The following SHE variants were observed in gnomAD, a reference collection of about 807,000 sequenced individuals.
SHE encodes SH2 domain-containing adapter protein E.
A neutral mutation model predicts 49.8 loss-of-function variants in SHE; 11 were observed. The observed-to-expected ratio is 0.22, with a 90% CI of 0.14 to 0.37. The LOEUF (loss-of-function observed/expected upper bound fraction) is 0.37, where lower values mean the gene tolerates loss of function less well. Ranked by LOEUF, SHE falls within the 10% of genes least tolerant of loss-of-function variation. SHE has a pLI of 1.00. For synonymous variants in SHE, 310 were observed against 278.1 expected (o/e 1.11, Z -1.14); for missense variants, 624 against 655.5 (o/e 0.95, Z 0.52).
intron 2 of SHE, among the ~76,000 whole-genome samples, chr1:154,497,872 G>A (rs1692582785): frequency 1.3e-5 from 2 of 151,702 alleles, no homozygotes; most frequent in Non-Finnish European, 2.9e-5. Flanking sequence ...AGTAGAGACA[G>A]GGGTTTCTCC....
At chr1:154,478,165 G>A (rs1032179223), downstream of SHE, among the ~76,000 whole-genome samples, 3 of 152,164 alleles carry the variant, frequency 2.0e-5, no homozygotes, top group Admixed American at 1.3e-4. Flanking sequence ...GGAGTAGCAA[G>A]ATAATGAAGC....
chr1:154,493,116 T>TAA (rs543196985), intron 2 of SHE, among the ~76,000 whole-genome samples: 1 of 152,234 alleles, frequency 6.6e-6, no homozygotes, highest in Non-Finnish European at 1.5e-5. Context: ...TCCCCACACT[T>TAA]AGAGTTCTGG....
At chr1:154,485,856 C>T (rs1692160980) in intron 5 of SHE, 87 bp downstream of exon 5, 2 of 1,508,714 alleles carry the variant, frequency 1.3e-6, no homozygotes. Context: ...CTGTGAAACA[C>T]CTTCACAGTA....
downstream of SHE, among the ~76,000 whole-genome samples, chr1:154,478,393 CTA>C (rs767179398): frequency 1.6e-4 from 21 of 130,950 alleles, 1 homozygote; most frequent in East Asian, 4.9e-4. Context: ...ACAACTCAGT[CTA>C]TGTTTTGTTT....
In SHE at chr1:154,483,984, C is replaced by A. The variant is rs569603116; in HGVS notation, c.*165G>T. ...TTGCACTCCAGCCTGGGCAACACAG[C>A]GAGACTTCGTCTCAAACAAAACAAA... On this transcript the variant is annotated 3_prime_UTR_variant, in exon 6 of 6. Coordinates refer to ENST00000304760, the MANE Select transcript of SHE (RefSeq NM_001010846.3). The A allele has an allele frequency of 8.5e-6, 12 of 1,414,982 alleles. No individual in the cohort carries two copies. Among genetic ancestry groups the A allele is most frequent in the Non-Finnish European group, 1.1e-5 (12 of 1,085,060 alleles). The allele number at this position is 1,414,982 out of a possible 1,614,324, so 87.7% of individuals were successfully genotyped here.
chr1:154,470,374 G>A (rs1245450936), intron 1 of SHE: 1 of 1,289,204 alleles, frequency 7.8e-7, no homozygotes, highest in Non-Finnish European at 1.0e-6. Context: ...TGTAGAGGAT[G>A]GCAAGGAATA....
chr1:154,501,140 G>A (rs1453317583), intron 1 of SHE, among the ~76,000 whole-genome samples: 1 of 152,140 alleles, frequency 6.6e-6, no homozygotes, highest in African/African-American at 2.4e-5. Flanking sequence ...CATCTATAAA[G>A]GGGTCAAATG....
chr1:154,489,164 T>C lies in SHE; in HGVS notation c.911A>G (p.Glu304Gly), dbSNP rs752860442. 1.5e-5 allele frequency: 25 copies of C among 1,614,150 alleles called. No individual in the cohort carries two copies. The highest frequency in any genetic ancestry group is 2.1e-5 in the Non-Finnish European group (25 of 1,180,018). ...YEPAEGGPRA[E>G]GKARPPDSRL... ...GCTGTCTGGGGGCCGCGCCTTCCCCTCTGCCCTGGGCCCCCCTTCTGCAGG... is the reference window on the plus strand; with the variant it reads ...GCTGTCTGGGGGCCGCGCCTTCCCCCCTGCCCTGGGCCCCCCTTCTGCAGG... The change falls in exon 3 of 6, where the codon GAG becomes GGG. Residue 304 changes from glutamate to glycine, a missense_variant. Coordinates refer to ENST00000304760, the MANE Select transcript of SHE (RefSeq NM_001010846.3).
intron 2 of SHE, among the ~76,000 whole-genome samples, chr1:154,493,403 G>C (rs1174213259): frequency 6.6e-6 from 1 of 152,178 alleles, no homozygotes; most frequent in Non-Finnish European, 1.5e-5. Context: ...AGCCCCTGAC[G>C]TGCAGAGCTG....
chr1:154,485,273 G>C (rs973498503), intron 5 of SHE: 1 of 152,226 alleles, frequency 6.6e-6, no homozygotes, highest in Non-Finnish European at 1.5e-5. Flanking sequence ...CAACTCCCCC[G>C]CCCGACTCTG....
intron 1 of SHE, among the ~76,000 whole-genome samples, chr1:154,472,312 CAG>C (rs1691765913): frequency 6.6e-6 from 1 of 152,244 alleles, no homozygotes; most frequent in African/African-American, 2.4e-5. Context: ...ACCACTCACG[CAG>C]GCAGCGTGTT....
chr1:154,483,243 A>C lies in SHE; in HGVS notation c.*906T>G, dbSNP rs1692069596. Reference sequence around the variant, plus strand: ...GAGAAAATCCACAGAGATTGAGAGAACACACACTTTCTTGGAAAGGCTGAC... The same window carrying C: ...GAGAAAATCCACAGAGATTGAGAGACCACACACTTTCTTGGAAAGGCTGAC... On this transcript the variant is annotated 3_prime_UTR_variant, in exon 6 of 6. Transcript: ENST00000304760. 1 of 985,332 alleles carries C rather than the reference A, an allele frequency of 1.0e-6. No individual in the cohort carries two copies. Among genetic ancestry groups the C allele is most frequent in the Non-Finnish European group, 1.2e-6 (1 of 829,948 alleles). 61.0% of individuals were successfully genotyped at this position (985,332 alleles called of 1,614,324 possible). A position where few individuals can be genotyped will look rare whatever the true frequency, so the allele number is the denominator to read the frequency against.
At position 154,497,687 on chromosome 1, in the gene SHE, CT is replaced by C. The variant is rs888010144; in HGVS notation, c.718+1424del. 2.6e-3 allele frequency among the ~76,000 whole-genome samples: 379 copies of C among 148,108 alleles called. 3 individuals carry two copies. The highest frequency in any genetic ancestry group is 8.2e-3 in the African/African-American group (333 of 40,552). On this transcript the variant is annotated intron_variant, in intron 2 of 5. Coordinates refer to ENST00000304760, the MANE Select transcript of SHE (RefSeq NM_001010846.3). ...CACAGCAATGATTTTTTTTTCTTTT[CT>C]TTTTTTTTTGAGACAGAGTTTCCCT...
In SHE at chr1:154,480,311, C is replaced by G; in HGVS notation, c.*3838G>C. 1.0e-6 allele frequency: 1 copy of G among 985,336 alleles called. No individual in the cohort carries two copies. Among genetic ancestry groups the G allele is most frequent in the Non-Finnish European group, 1.2e-6 (1 of 829,922 alleles). 61.0% of individuals were successfully genotyped at this position (985,336 alleles called of 1,614,324 possible). On this transcript the variant is annotated 3_prime_UTR_variant, in exon 6 of 6. Transcript: ENST00000304760. ...ATCGACATCACTGCACTCCCTAAAC[C>G]CTGGAAGGAGGGAGAAACAAGGGGC...
chr1:154,499,284 C>G, intron 1 of SHE, 46 bp from the exon 2 acceptor site: 3 of 1,576,600 alleles, frequency 1.9e-6, no homozygotes, highest in Non-Finnish European at 2.6e-6. Flanking sequence ...CACCGTATAC[C>G]AAAATGGCAA....
downstream of SHE, among the ~76,000 whole-genome samples, chr1:154,478,107 C>G (rs1691927787): frequency 6.6e-6 from 1 of 152,054 alleles, no homozygotes; most frequent in South Asian, 2.1e-4. Context: ...GATTCCCTTC[C>G]TTGTTGAGGC....
chr1:154,486,750 A>G (rs2149292181), intron 3 of SHE, 67 bp from the exon 4 acceptor site: 2 of 1,567,736 alleles, frequency 1.3e-6, no homozygotes, highest in South Asian at 1.1e-5. Context: ...CAAAGGGAAA[A>G]AACCTCCTTG....
At chr1:154,488,294 T>C (rs970215030) in intron 3 of SHE, among the ~76,000 whole-genome samples, 3 of 152,114 alleles carry the variant, frequency 2.0e-5, no homozygotes, top group Non-Finnish European at 4.4e-5. Context: ...AGTCTTGCTC[T>C]GTCACCCAGG....
At position 154,481,329 on chromosome 1, in the gene SHE, C is replaced by T; in HGVS notation, c.*2820G>A. On this transcript the variant is annotated 3_prime_UTR_variant, in exon 6 of 6. Coordinates refer to ENST00000304760, the MANE Select transcript of SHE (RefSeq NM_001010846.3). ...GACTTCCCACTAATTTACTATATTT[C>T]TTCTTATAACCTCCTGTACAACTGT... The T allele has an allele frequency of 1.0e-6, 1 of 985,412 alleles. No individual in the cohort carries two copies. The highest frequency in any genetic ancestry group is 1.2e-6 in the Non-Finnish European group (1 of 829,924). 61.0% of individuals were successfully genotyped at this position (985,412 alleles called of 1,614,324 possible).
Sources: gnomAD v4.1 joint callset for allele counts (sites outside exome capture counted in the v4.1 genomes callset) on GRCh38, gnomAD v4.1.1 for gene constraint, MANE v1.5 for transcripts, NCBI Gene and HGNC (gene_info 2026-07-23, HGNC 2026-07-21) for gene names.